Variants in PRKCG observed in about 807,000 individuals in gnomAD.
The protein encoded by PRKCG is protein kinase C gamma, also known as protein kinase C gamma type.
Under a neutral mutation model 82.0 loss-of-function variants are expected in PRKCG, and 28 were observed. That is an observed-to-expected ratio of 0.34 (90% confidence interval 0.25 to 0.47). PRKCG has a LOEUF of 0.47. PRKCG is among the 20% of genes least tolerant of loss of function. The pLI is 1.00. For missense variants in PRKCG, 640 were observed against 952.7 expected (o/e 0.67, Z 4.32); for synonymous variants, 383 against 376.6 (o/e 1.02, Z -0.20).
chr19:53,882,818 G>A lies in PRKCG; in HGVS notation c.170+154G>A, dbSNP rs1231125895. Among the ~76,000 whole-genome samples, 1 of 152,106 alleles carries A rather than the reference G, an allele frequency of 6.6e-6. No individual in the cohort carries two copies. Among genetic ancestry groups the A allele is most frequent in the African/African-American group, 2.4e-5 (1 of 41,424 alleles). ...GAACGCTGGGAGCTTCGACTCCTGG[G>A]TTTCAGTGAGGAGGAGGCTGGTTCC... On this transcript the variant is annotated intron_variant, in intron 1 of 17. Transcript: ENST00000263431. This position sits in a 1 kb window ranked among gnomAD's most constrained non-coding sequence, Gnocchi z 6.1.
At chr19:53,897,186 C>G (rs2068723930) in intron 9 of PRKCG, among the ~76,000 whole-genome samples, 1 of 152,128 alleles carries the variant, frequency 6.6e-6, no homozygotes, top group Non-Finnish European at 1.5e-5. Flanking sequence ...ACAGAGGGAG[C>G]AGTTAAAGGG....
chr19:53,894,210 C>T (rs142327912), intron 9 of PRKCG, among the ~76,000 whole-genome samples: 5,792 of 151,762 alleles, frequency 0.038, 251 homozygotes, highest in African/African-American at 0.11. Context: ...GGACTACAGG[C>T]GCCCACCACC....
chr19:53,893,339 ACT>A, intron 8 of PRKCG, 21 bp from the exon 9 acceptor site: 1 of 1,610,550 alleles, frequency 6.2e-7, no homozygotes, highest in East Asian at 2.2e-5. Context: ...TGGGACCCTG[ACT>A]CTCTCTTTCT....
rs768619648 is a variant in PRKCG, at chr19:53,892,975, G to T, written c.822-13G>T. On this transcript the variant is annotated splice_polypyrimidine_tract_variant and intron_variant, in intron 7 of 17. Transcript: ENST00000263431. This position sits in a 1 kb window ranked among gnomAD's most constrained non-coding sequence, Gnocchi z 5.9. Reference sequence around the variant, plus strand: ...TCCCCGCTGCCCGCCTCTGGTCTCCGTCTGTATGTCAGGTACAAGTTACTG... The same window carrying T: ...TCCCCGCTGCCCGCCTCTGGTCTCCTTCTGTATGTCAGGTACAAGTTACTG... 1 of 1,613,128 alleles carries T rather than the reference G, an allele frequency of 6.2e-7. No individual in the cohort carries two copies. The highest frequency in any genetic ancestry group is 8.5e-7 in the Non-Finnish European group (1 of 1,179,370).
Position 53,892,782 on chromosome 19 carries a change from G to GCACA in PRKCG, c.821+145_821+148dup, listed in dbSNP as rs909869422. The GCACA allele has an allele frequency of 2.5e-6, 2 of 785,744 alleles. No individual in the cohort carries two copies. The highest frequency in any genetic ancestry group is 7.6e-5 in the African/African-American group (2 of 26,304). The allele number at this position is 785,744 out of a possible 1,614,324, so 48.7% of individuals were successfully genotyped here. A position where few individuals can be genotyped will look rare whatever the true frequency, so the allele number is the denominator to read the frequency against. ...CACACACACACACACACACACACAC[G>GCACA]CACACACACGCACACACCCCTCTCT... is the stretch of plus-strand genomic sequence containing the variant. On this transcript the variant is annotated intron_variant, in intron 7 of 17. Coordinates refer to ENST00000263431, the MANE Select transcript of PRKCG (RefSeq NM_002739.5). This position sits in a 1 kb window ranked among gnomAD's most constrained non-coding sequence, Gnocchi z 5.9.
intron 3 of PRKCG, among the ~76,000 whole-genome samples, chr19:53,887,250 C>A (rs1443418172): frequency 1.3e-5 from 2 of 152,006 alleles, no homozygotes; most frequent in African/African-American, 4.8e-5. Context: ...GTAATCCCAA[C>A]ACTTTGGGAG....
chr19:53,907,053 T>C lies in PRKCG; in HGVS notation c.*158T>C, dbSNP rs569056296. 1 of 1,494,586 alleles carries C rather than the reference T, an allele frequency of 6.7e-7. No homozygotes were observed. The highest frequency in any genetic ancestry group is 1.4e-5 in the African/African-American group (1 of 71,512). 92.6% of individuals were successfully genotyped at this position (1,494,586 alleles called of 1,614,324 possible). A position where few individuals can be genotyped will look rare whatever the true frequency, so the allele number is the denominator to read the frequency against. ...GGGTTCTAGACGCCCCTCCCAAGCGTTCCTGGCCTTCTGAACTCCATACAG... is the reference window on the plus strand; with the variant it reads ...GGGTTCTAGACGCCCCTCCCAAGCGCTCCTGGCCTTCTGAACTCCATACAG... On this transcript the variant is annotated 3_prime_UTR_variant, in exon 18 of 18. Coordinates refer to ENST00000263431, the MANE Select transcript of PRKCG (RefSeq NM_002739.5).
rs2068682873 is a variant in PRKCG at position 53,892,390 on chromosome 19, A to G, written c.687-119A>G. ...TGGGAAGGTCAGAGGTCGGAGACCG[A>G]CAAAGCAGGAGAGGAGCCCCAGCTG... On this transcript the variant is annotated intron_variant, in intron 6 of 17. Transcript: ENST00000263431. The surrounding 1 kb of genome is among the most constrained non-coding windows in gnomAD (Gnocchi z 5.9). 1.4e-5 allele frequency: 20 copies of G among 1,476,274 alleles called. No homozygotes were observed. In the South Asian group the frequency reaches 2.2e-4, roughly 16 times the overall value. The allele number at this position is 1,476,274 out of a possible 1,614,324, so 91.4% of individuals were successfully genotyped here.
intron 9 of PRKCG, 161 bp downstream of exon 9, chr19:53,893,552 A>C: frequency 1.2e-6 from 1 of 800,162 alleles, no homozygotes; most frequent in Non-Finnish European, 2.1e-6. Context: ...TCCAGAGATG[A>C]ATCTGACCCT....
In PRKCG at chr19:53,904,573, G is replaced by A. The variant is rs2068787619; in HGVS notation, c.1657-62G>A. 9 of 1,453,278 alleles carry A rather than the reference G, an allele frequency of 6.2e-6. No homozygotes were observed. In the Admixed American group the frequency reaches 1.1e-4, roughly 18 times the overall value. The allele number at this position is 1,453,278 out of a possible 1,614,324, so 90.0% of individuals were successfully genotyped here. A position where few individuals can be genotyped will look rare whatever the true frequency, so the allele number is the denominator to read the frequency against. On this transcript the variant is annotated intron_variant, in intron 15 of 17. Coordinates refer to ENST00000263431, the MANE Select transcript of PRKCG (RefSeq NM_002739.5). Reference sequence around the variant, plus strand: ...GTTCCCGGTGGGGTGAGGAGGGTGTGGAAGGTTTGGGGAAAGGCAGTTGGG... The same window carrying A: ...GTTCCCGGTGGGGTGAGGAGGGTGTAGAAGGTTTGGGGAAAGGCAGTTGGG...
chr19:53,889,503 T>C lies in PRKCG; in HGVS notation c.286-135T>C, dbSNP rs2068655201. The C allele has an allele frequency of 1.4e-6, 1 of 690,146 alleles. No homozygotes were observed. Among genetic ancestry groups the C allele is most frequent in the African/African-American group, 1.8e-5 (1 of 55,564 alleles). The allele number at this position is 690,146 out of a possible 1,614,324, so 42.8% of individuals were successfully genotyped here. A position where few individuals can be genotyped will look rare whatever the true frequency, so the allele number is the denominator to read the frequency against. On this transcript the variant is annotated intron_variant, in intron 3 of 17. Coordinates refer to ENST00000263431, the MANE Select transcript of PRKCG (RefSeq NM_002739.5). The surrounding 1 kb of genome is among the most constrained non-coding windows in gnomAD (Gnocchi z 4.4). ...GCACACAGCAGGTGCTCAATGATTA[T>C]TGGTACATAGAGTGAAAGAGATGGA...
In PRKCG at chr19:53,883,533, C is replaced by G. The variant is rs2068609243; in HGVS notation, c.202+339C>G. 6.6e-6 allele frequency among the ~76,000 whole-genome samples: 1 copy of G among 151,994 alleles called. No individual in the cohort carries two copies. The highest frequency in any genetic ancestry group is 6.5e-5 in the Admixed American group (1 of 15,276). ...TGCAAAGTCAGAGCCCCCCCCCACCCCAGGCTGCCGTCGCCATGACAACAC... is the reference window on the plus strand; with the variant it reads ...TGCAAAGTCAGAGCCCCCCCCCACCGCAGGCTGCCGTCGCCATGACAACAC... On this transcript the variant is annotated intron_variant, in intron 2 of 17. Coordinates refer to ENST00000263431, the MANE Select transcript of PRKCG (RefSeq NM_002739.5). The surrounding 1 kb of genome is among the most constrained non-coding windows in gnomAD (Gnocchi z 5.4).
At position 53,900,216 on chromosome 19, in the gene PRKCG, C is replaced by A. The variant is rs370983403; in HGVS notation, c.1282-17C>A. On this transcript the variant is annotated splice_polypyrimidine_tract_variant and intron_variant, in intron 11 of 17. Coordinates refer to ENST00000263431, the MANE Select transcript of PRKCG (RefSeq NM_002739.5). This position sits in a 1 kb window ranked among gnomAD's most constrained non-coding sequence, Gnocchi z 4.2. ...GGTAGATGGATCCCGCCTCTAAGCC[C>A]ATGCACTTCTCCGCAGGACCGCCTG... 4.5e-5 allele frequency: 73 copies of A among 1,609,584 alleles called. No individual in the cohort carries two copies. The highest frequency in any genetic ancestry group is 5.4e-5 in the Non-Finnish European group (63 of 1,176,006).
chr19:53,889,521 G>A lies in PRKCG; in HGVS notation c.286-117G>A. ...ATGATTATTGGTACATAGAGTGAAA[G>A]AGATGGAGCCTCAGGCTGACCTAGA... On this transcript the variant is annotated intron_variant, in intron 3 of 17. Coordinates refer to ENST00000263431, the MANE Select transcript of PRKCG (RefSeq NM_002739.5). This position sits in a 1 kb window ranked among gnomAD's most constrained non-coding sequence, Gnocchi z 4.4. 1 of 755,592 alleles carries A rather than the reference G, an allele frequency of 1.3e-6. No individual in the cohort carries two copies. Among genetic ancestry groups the A allele is most frequent in the African/African-American group, 1.7e-5 (1 of 57,266 alleles). 46.8% of individuals were successfully genotyped at this position (755,592 alleles called of 1,614,324 possible). A position where few individuals can be genotyped will look rare whatever the true frequency, so the allele number is the denominator to read the frequency against.
Position 53,882,436 on chromosome 19 carries a change from C to T in PRKCG, c.-59C>T, listed in dbSNP as rs1337423686. 1.3e-6 allele frequency: 2 copies of T among 1,585,796 alleles called. No homozygotes were observed. The highest frequency in any genetic ancestry group is 2.7e-5 in the African/African-American group (2 of 73,554). ...TCCTTCGAGTCTCCAGCTCCTCTCC[C>T]TTCCACCTGTTTCCCCCAAGAAAGG... On this transcript the variant is annotated 5_prime_UTR_variant, in exon 1 of 18. Transcript: ENST00000263431. The surrounding 1 kb of genome is among the most constrained non-coding windows in gnomAD (Gnocchi z 6.1).
intron 16 of PRKCG, among the ~76,000 whole-genome samples, chr19:53,905,246 C>T (rs1323257483): frequency 6.6e-6 from 1 of 152,102 alleles, no homozygotes; most frequent in Non-Finnish European, 1.5e-5. Flanking sequence ...TCATGCCTCC[C>T]CTCCATCTGC....
At chr19:53,891,585 C>T (rs2068676642) in intron 5 of PRKCG, 89 bp from the exon 6 acceptor site, 4 of 1,547,126 alleles carry the variant, frequency 2.6e-6, no homozygotes, top group Non-Finnish European at 3.6e-6. Context: ...CCTGGCCAAG[C>T]TTGGAACTCT....
In PRKCG at chr19:53,889,849, C is replaced by T; in HGVS notation, c.398-37C>T. Reference sequence around the variant, plus strand: ...GGGGGGTGGAGTCTTGGCTTGGGGGCGGGGCCTGAGGTGCTACCCGCAGCT... The same window carrying T: ...GGGGGGTGGAGTCTTGGCTTGGGGGTGGGGCCTGAGGTGCTACCCGCAGCT... On this transcript the variant is annotated intron_variant, in intron 4 of 17. Transcript: ENST00000263431. This position sits in a 1 kb window ranked among gnomAD's most constrained non-coding sequence, Gnocchi z 4.4. 10 of 1,547,282 alleles carry T rather than the reference C, an allele frequency of 6.5e-6. No individual in the cohort carries two copies. Among genetic ancestry groups the T allele is most frequent in the Non-Finnish European group, 7.8e-6 (9 of 1,146,962 alleles).
intron 9 of PRKCG, among the ~76,000 whole-genome samples, chr19:53,894,312 G>A (rs1359498673): frequency 3.3e-5 from 5 of 152,008 alleles, no homozygotes; most frequent in Non-Finnish European, 7.4e-5. Flanking sequence ...TGATCCACCC[G>A]CCTCAGCCTC....
Sources: allele counts gnomAD v4.1 joint callset (sites outside exome capture counted in the v4.1 genomes callset), GRCh38; gene constraint gnomAD v4.1.1; non-coding constraint Gnocchi (gnomAD v3.1); transcripts MANE v1.5; gene names NCBI Gene and HGNC (gene_info 2026-07-23, HGNC 2026-07-21).